The following WDR1 variants were observed in gnomAD, a reference collection of about 807,000 sequenced individuals.
The protein encoded by WDR1 is WD repeat domain 1.
WDR1 carries 21 observed loss-of-function variants against 71.9 expected under a neutral mutation model. That is an observed-to-expected ratio of 0.29 (90% confidence interval 0.21 to 0.42). The LOEUF (loss-of-function observed/expected upper bound fraction) is 0.42, where lower values mean the gene tolerates loss of function less well. Ranked by LOEUF, WDR1 falls within the 10% of genes least tolerant of loss-of-function variation. WDR1 has a pLI of 1.00. For missense variants in WDR1, 696 were observed against 824.5 expected (o/e 0.84, Z 1.91); for synonymous variants, 424 against 347.4 (o/e 1.22, Z -2.45).
At chr4:10,096,646 G>C (rs192487764) in intron 5 of WDR1, 3 of 152,284 alleles carry the variant, frequency 2.0e-5, no homozygotes, top group Admixed American at 2.0e-4. Flanking sequence ...TGTGGGTCCC[G>C]TCCTCGCCCT....
intron 6 of WDR1, 101 bp from the exon 7 acceptor site, chr4:10,088,474 AC>A (rs1483532155): frequency 7.9e-7 from 1 of 1,273,074 alleles, no homozygotes; most frequent in Non-Finnish European, 1.1e-6. Context: ...GGGCTCACAG[AC>A]TAAGCTCCCA....
At chr4:10,115,120 A>G in intron 2 of WDR1, among the ~76,000 whole-genome samples, 1 of 152,180 alleles carries the variant, frequency 6.6e-6, no homozygotes, top group Non-Finnish European at 1.5e-5. Context: ...ATCAATCAAA[A>G]CATACATCTT....
chr4:10,086,932 G>A (rs1356961902), intron 8 of WDR1, among the ~76,000 whole-genome samples: 1 of 152,136 alleles, frequency 6.6e-6, no homozygotes, highest in Non-Finnish European at 1.5e-5. Context: ...GATACAGAAG[G>A]GACCCCTGCT....
intron 2 of WDR1, among the ~76,000 whole-genome samples, chr4:10,111,411 G>A (rs1391689135): frequency 6.6e-6 from 1 of 152,172 alleles, no homozygotes; most frequent in Non-Finnish European, 1.5e-5. Flanking sequence ...ACCACCCTCT[G>A]CTTCCCCTGC....
chr4:10,108,880 C>T (rs889476981), intron 2 of WDR1, among the ~76,000 whole-genome samples: 6 of 152,200 alleles, frequency 3.9e-5, no homozygotes, highest in African/African-American at 1.2e-4. Context: ...CACCCCACTG[C>T]CCTCACTACT....
chr4:10,087,033 C>T (rs760275651), intron 8 of WDR1, among the ~76,000 whole-genome samples: 1 of 152,210 alleles, frequency 6.6e-6, no homozygotes, highest in Non-Finnish European at 1.5e-5. Flanking sequence ...GCCAATGGAA[C>T]ACAGGGAGCC....
intron 3 of WDR1, among the ~76,000 whole-genome samples, chr4:10,100,797 A>G (rs1158680479): frequency 6.6e-6 from 1 of 152,226 alleles, no homozygotes; most frequent in Non-Finnish European, 1.5e-5. Flanking sequence ...AGAGGAAGTC[A>G]CCACAGGCTG....
chr4:10,102,154 C>G (rs1432753352), intron 3 of WDR1, among the ~76,000 whole-genome samples: 2 of 152,188 alleles, frequency 1.3e-5, no homozygotes, highest in African/African-American at 4.8e-5. Flanking sequence ...ACGGGTCACC[C>G]AGGGGTAAGT....
At position 10,075,244 on chromosome 4, in the gene WDR1, T is replaced by G. The variant is rs947135566; in HGVS notation, c.*134A>C. ...AGACACCCTGCAGAGACGAGGGTCA[T>G]GACTGGGCCCTCCTGCCTCTTGTGG... On this transcript the variant is annotated 3_prime_UTR_variant, in exon 15 of 15. Coordinates refer to ENST00000499869, the MANE Select transcript of WDR1 (RefSeq NM_017491.5). 2.8e-6 allele frequency: 2 copies of G among 720,172 alleles called. No homozygotes were observed. The highest frequency in any genetic ancestry group is 3.5e-5 in the African/African-American group (2 of 57,518). The allele number at this position is 720,172 out of a possible 1,614,324, so 44.6% of individuals were successfully genotyped here.
intron 7 of WDR1, among the ~76,000 whole-genome samples, 169 bp from the exon 8 acceptor site, chr4:10,088,109 C>T (rs550002442): frequency 1.5e-4 from 23 of 152,312 alleles, no homozygotes; most frequent in African/African-American, 4.8e-4. Flanking sequence ...TCTCCCGTTC[C>T]AGCCACTACC....
chr4:10,082,229 C>T (rs1203326241), intron 10 of WDR1, among the ~76,000 whole-genome samples: 1 of 152,210 alleles, frequency 6.6e-6, no homozygotes, highest in African/African-American at 2.4e-5. Flanking sequence ...CAGGCAGGGC[C>T]TGTGTTACCT....
At chr4:10,116,345 G>A (rs111725991) in intron 1 of WDR1, 111 bp from the exon 2 acceptor site, 38 of 1,472,234 alleles carry the variant, frequency 2.6e-5, no homozygotes, top group African/African-American at 1.5e-4. Flanking sequence ...TGACTGCGCC[G>A]GGAGGGCGGC....
chr4:10,093,628 C>T (rs1400092343), intron 5 of WDR1, among the ~76,000 whole-genome samples: 1 of 152,238 alleles, frequency 6.6e-6, no homozygotes, highest in Non-Finnish European at 1.5e-5. Flanking sequence ...CTCATCCTAA[C>T]TAACCGTCCT....
Position 10,075,336 on chromosome 4 carries a change from T to C in WDR1, c.*42A>G, listed in dbSNP as rs763953049. On this transcript the variant is annotated 3_prime_UTR_variant, in exon 15 of 15. Coordinates refer to ENST00000499869, the MANE Select transcript of WDR1 (RefSeq NM_017491.5). ...GACATGTTCCGCTGCAGTTAAACTCTAGTCCCTGATTCGGTCCATCCAGAG... is the reference window on the plus strand; with the variant it reads ...GACATGTTCCGCTGCAGTTAAACTCCAGTCCCTGATTCGGTCCATCCAGAG... 3 of 1,571,812 alleles carry C rather than the reference T, an allele frequency of 1.9e-6. No individual in the cohort carries two copies. Among genetic ancestry groups the C allele is most frequent in the South Asian group, 1.1e-5 (1 of 89,998 alleles).
intron 2 of WDR1, among the ~76,000 whole-genome samples, chr4:10,113,390 G>A (rs143722434): frequency 6.6e-6 from 1 of 152,168 alleles, no homozygotes; most frequent in Non-Finnish European, 1.5e-5. Flanking sequence ...AGAGAAGACA[G>A]GGAGCAAGAC....
intron 11 of WDR1, among the ~76,000 whole-genome samples, chr4:10,079,407 C>T (rs1052983972): frequency 6.6e-6 from 1 of 152,258 alleles, no homozygotes; most frequent in African/African-American, 2.4e-5. Context: ...TCCAGCCCCA[C>T]AAGGCAGGGA....
At chr4:10,088,403 G>T in intron 6 of WDR1, 30 bp from the exon 7 acceptor site, 1 of 1,544,222 alleles carries the variant, frequency 6.5e-7, no homozygotes, top group African/African-American at 1.4e-5. Flanking sequence ...TGTGGGTCAT[G>T]TGTGTGTGAA....
chr4:10,089,877 T>G (rs891023404), intron 5 of WDR1, among the ~76,000 whole-genome samples: 2 of 152,254 alleles, frequency 1.3e-5, no homozygotes, highest in South Asian at 2.1e-4. Context: ...CCAAAAGACA[T>G]GCTGAAGTCC....
chr4:10,079,681 G>C (rs1224636045), intron 11 of WDR1, among the ~76,000 whole-genome samples: 15 of 152,168 alleles, frequency 9.9e-5, no homozygotes, highest in Admixed American at 9.8e-4. Flanking sequence ...CTTTATCCCA[G>C]TGTGCCCCTA....
Sources: allele counts gnomAD v4.1 joint callset (sites outside exome capture counted in the v4.1 genomes callset), GRCh38; gene constraint gnomAD v4.1.1; transcripts MANE v1.5; gene names NCBI Gene and HGNC (gene_info 2026-07-23, HGNC 2026-07-21).